Variants in RAPGEF4 observed in about 807,000 individuals in gnomAD.
RAPGEF4 encodes RAP guanine-nucleotide-exchange factor (GEF) 4.
In RAPGEF4, 66 loss-of-function variants were observed where a neutral mutation model predicts 147.9. That is an observed-to-expected ratio of 0.45 (90% CI 0.37 to 0.55). The LOEUF (loss-of-function observed/expected upper bound fraction) is 0.55, where lower values mean the gene tolerates loss of function less well. RAPGEF4 is among the 20% of genes least tolerant of loss of function. RAPGEF4 has a pLI of 0.00. For missense variants in RAPGEF4, 1,071 were observed against 1,257.3 expected, an observed-to-expected ratio of 0.85 and a Z score of 2.24; for synonymous variants, 419 against 442.7, an observed-to-expected ratio of 0.95 and a Z score of 0.67.
chr2:173,007,891 G>T (rs912343044), intron 17 of RAPGEF4, among the ~76,000 whole-genome samples: 1 of 152,160 alleles, frequency 6.6e-6, no homozygotes, highest in Non-Finnish European at 1.5e-5. Context: ...TGTCCTATAA[G>T]CTATATTACT....
intron 4 of RAPGEF4, among the ~76,000 whole-genome samples, chr2:172,885,941 T>C (rs1697161816): frequency 1.3e-5 from 2 of 152,206 alleles, no homozygotes; most frequent in African/African-American, 4.8e-5. Flanking sequence ...CTGAGTGCCA[T>C]GGCTGCTGCT....
At chr2:172,963,603 G>A (rs1169695625) in intron 8 of RAPGEF4, among the ~76,000 whole-genome samples, 2 of 152,100 alleles carry the variant, frequency 1.3e-5, no homozygotes, top group East Asian at 3.8e-4. Flanking sequence ...TGAAATATAG[G>A]TGTTATGTCT....
chr2:172,903,718 C>T (rs111937327), intron 4 of RAPGEF4, among the ~76,000 whole-genome samples: 1 of 128,842 alleles, frequency 7.8e-6, no homozygotes, highest in East Asian at 2.3e-4. Context: ...GTATGCCCCC[C>T]GGGGGTTACT....
At chr2:173,010,744 T>C (rs1480583427) in intron 17 of RAPGEF4, among the ~76,000 whole-genome samples, 1 of 152,238 alleles carries the variant, frequency 6.6e-6, no homozygotes, top group African/African-American at 2.4e-5. Flanking sequence ...GCATCTGATC[T>C]GTAACCATTT....
chr2:172,747,375 C>T (rs115037706), intron 1 of RAPGEF4, among the ~76,000 whole-genome samples: 1,529 of 152,320 alleles, frequency 0.01, 17 homozygotes, highest in African/African-American at 0.034. Flanking sequence ...GATCTACTCT[C>T]TTAGCAAATT....
chr2:172,936,143 T>G (rs147427167), intron 6 of RAPGEF4, among the ~76,000 whole-genome samples: 1 of 152,206 alleles, frequency 6.6e-6, no homozygotes, highest in African/African-American at 2.4e-5. Flanking sequence ...CCGAGGTGGG[T>G]GGGTTGCCTG....
intron 1 of RAPGEF4, among the ~76,000 whole-genome samples, chr2:172,746,026 T>C (rs1043152961): frequency 3.9e-5 from 6 of 152,244 alleles, no homozygotes; most frequent in Non-Finnish European, 7.3e-5. Flanking sequence ...TAGAAATAGA[T>C]GGATTGTGTT....
chr2:172,957,012 G>T (rs925697564), intron 6 of RAPGEF4, among the ~76,000 whole-genome samples: 1 of 152,322 alleles, frequency 6.6e-6, no homozygotes, highest in African/African-American at 2.4e-5. Context: ...TGGGGTCATT[G>T]TACCTGCAGT....
At chr2:172,878,770 CA>C (rs1243598942) in intron 4 of RAPGEF4, among the ~76,000 whole-genome samples, 1 of 152,142 alleles carries the variant, frequency 6.6e-6, no homozygotes, top group Admixed American at 6.6e-5. Context: ...ATAGGCGATT[CA>C]CAAAGAAAGG....
chr2:172,965,161 C>T (rs73015687), intron 8 of RAPGEF4: 123 of 192,942 alleles, frequency 6.4e-4, no homozygotes, highest in African/African-American at 2.7e-3. Context: ...TCATTCGGCA[C>T]GAGACTCAGG....
chr2:172,909,921 G>A (rs1329313707), intron 4 of RAPGEF4, among the ~76,000 whole-genome samples: 1 of 152,118 alleles, frequency 6.6e-6, no homozygotes, highest in Non-Finnish European at 1.5e-5. Context: ...TACCTCAGGA[G>A]GATTTTACAG....
intron 4 of RAPGEF4, among the ~76,000 whole-genome samples, chr2:172,899,866 C>T (rs1698887624): frequency 6.6e-6 from 1 of 152,058 alleles, no homozygotes; most frequent in South Asian, 2.1e-4. Flanking sequence ...CATGTAGGGC[C>T]GAGCTCCATC....
At chr2:172,761,506 T>C (rs1696338203) in intron 1 of RAPGEF4, among the ~76,000 whole-genome samples, 1 of 151,838 alleles carries the variant, frequency 6.6e-6, no homozygotes, top group Non-Finnish European at 1.5e-5. Context: ...CTATACCCAG[T>C]GAAAATATCC....
intron 29 of RAPGEF4, among the ~76,000 whole-genome samples, chr2:173,045,514 T>G (rs1685356187): frequency 1.3e-5 from 2 of 152,196 alleles, no homozygotes; most frequent in Non-Finnish European, 2.9e-5. Context: ...TGTGAAGATA[T>G]CCATAACAGT....
At chr2:172,844,029 T>A (rs146964126) in intron 4 of RAPGEF4, among the ~76,000 whole-genome samples, 17 of 152,360 alleles carry the variant, frequency 1.1e-4, no homozygotes, top group Non-Finnish European at 5.9e-5. Flanking sequence ...TGTTATTTGC[T>A]TTACATAGAA....
At position 173,018,742 on chromosome 2, in the gene RAPGEF4, G is replaced by A. The variant is rs1389919705; in HGVS notation, c.2095G>A (p.Val699Ile). The A allele has an allele frequency of 6.2e-7, 1 of 1,614,028 alleles. No homozygotes were observed. The highest frequency in any genetic ancestry group is 1.3e-5 in the African/African-American group (1 of 74,912). Residue 699 changes from valine to isoleucine, a missense_variant, in exon 22 of 31, where the codon GTT becomes ATT. Physicochemically the swap from Val to Ile is conservative, Grantham distance 29. Transcript: ENST00000397081. ...TTCGGTGAAGGAAGTCATCAGTGCA[G>A]TTGCCGACAAGCTGGGCTCCGGGGA... Reference protein sequence around the residue: ...ATSVKEVISAVADKLGSGEGL... With the variant: ...ATSVKEVISAIADKLGSGEGL...
intron 4 of RAPGEF4, among the ~76,000 whole-genome samples, chr2:172,844,663 C>G (rs1342874436): frequency 6.6e-6 from 1 of 152,168 alleles, no homozygotes; most frequent in East Asian, 1.9e-4. Flanking sequence ...TGATTTTTGG[C>G]TGGCAGTAAA....
intron 1 of RAPGEF4, among the ~76,000 whole-genome samples, 155 bp from the exon 2 acceptor site, chr2:172,794,870 A>C (rs1686215074): frequency 6.6e-6 from 1 of 152,256 alleles, no homozygotes; most frequent in Non-Finnish European, 1.5e-5. Context: ...GTATTAGCCC[A>C]GAAATACCTA....
chr2:172,939,562 C>G (rs1686942296), intron 6 of RAPGEF4, among the ~76,000 whole-genome samples: 1 of 152,096 alleles, frequency 6.6e-6, no homozygotes. Context: ...GTTTTGCAGT[C>G]CAGTCTGTGG....
Sources: gnomAD v4.1 joint callset for allele counts (sites outside exome capture counted in the v4.1 genomes callset) on GRCh38, gnomAD v4.1.1 for gene constraint, MANE v1.5 for transcripts, NCBI Gene and HGNC (gene_info 2026-07-23, HGNC 2026-07-21) for gene names.